The following EPB42 variants were observed in gnomAD, a reference collection of about 807,000 sequenced individuals.
The protein encoded by EPB42 is erythrocyte membrane protein band 4.2, also known as protein 4.2.
In EPB42, 49 loss-of-function variants were observed where a neutral mutation model predicts 76.9. The ratio of observed to expected loss-of-function variants is 0.64; its 90% CI spans 0.51 to 0.81. The LOEUF (loss-of-function observed/expected upper bound fraction) is 0.81, where lower values mean the gene tolerates loss of function less well. Among genes scored for constraint, EPB42 ranks in the 30% least tolerant of loss-of-function variants. EPB42 has a pLI of 0.00. For missense variants in EPB42, 731 were observed against 867.6 expected (o/e 0.84, Z 1.98); for synonymous variants, 310 against 338.4 (o/e 0.92, Z 0.92).
chr15:43,203,226 T>G lies in EPB42; in HGVS notation c.1668A>C (p.Pro556=). ...TGAGTCTAAGGAAGGTGTTCTCGGG[T>G]GGGTTTCGCTCAAAATTGGAGAAGA... The part of the protein sequence containing the change: ...GLFFSNFERN[P]PENTFLRLTA... Residue 556 remains proline, a synonymous_variant, in exon 11 of 13, where the codon CCA becomes CCC. Coordinates refer to ENST00000441366, the MANE Select transcript of EPB42 (RefSeq NM_001114134.2). 6.2e-7 allele frequency: 1 copy of G among 1,613,988 alleles called. No individual in the cohort carries two copies. The highest frequency in any genetic ancestry group is 1.6e-4 in the Middle Eastern group (1 of 6,062).
upstream of EPB42, among the ~76,000 whole-genome samples, chr15:43,225,229 C>T (rs1379416211): frequency 6.6e-6 from 1 of 152,226 alleles, no homozygotes; most frequent in East Asian, 1.9e-4. Context: ...TAGATAGAGA[C>T]ATCAGTGCCT....
intron 10 of EPB42, among the ~76,000 whole-genome samples, chr15:43,203,655 T>C (rs2042160271): frequency 6.6e-6 from 1 of 152,132 alleles, no homozygotes; most frequent in African/African-American, 2.4e-5. Context: ...ACAGAAGAAA[T>C]ATCTACTCCT....
chr15:43,221,593 C>G (rs1211965381), upstream of EPB42, among the ~76,000 whole-genome samples: 1 of 151,994 alleles, frequency 6.6e-6, no homozygotes, highest in Non-Finnish European at 1.5e-5. Context: ...ATATTTGGCC[C>G]TACCTGGGCT....
At chr15:43,214,021 T>C (rs1035187816) in intron 3 of EPB42, among the ~76,000 whole-genome samples, 1 of 152,206 alleles carries the variant, frequency 6.6e-6, no homozygotes, top group African/African-American at 2.4e-5. Context: ...TTCCCAGCCC[T>C]GCCTTGCCAC....
chr15:43,200,428 AAAACCAACAAGGGAC>A (rs2042108150), intron 12 of EPB42, among the ~76,000 whole-genome samples: 3 of 152,206 alleles, frequency 2.0e-5, no homozygotes, highest in Admixed American at 2.0e-4. Context: ...TGCAACGTCT[AAAACCAACAAGGGAC>A]TAATACCTGG....
intron 10 of EPB42, among the ~76,000 whole-genome samples, chr15:43,205,514 C>T (rs997016987): frequency 6.6e-6 from 1 of 152,168 alleles, no homozygotes; most frequent in Non-Finnish European, 1.5e-5. Context: ...ATTCTCCTGC[C>T]TCAGTCTCCC....
intron 3 of EPB42, among the ~76,000 whole-genome samples, chr15:43,213,137 T>C (rs2042326019): frequency 6.6e-6 from 1 of 152,134 alleles, no homozygotes; most frequent in Non-Finnish European, 1.5e-5. Flanking sequence ...ATTTTTTATT[T>C]TTTTGGAAAT....
At chr15:43,218,880 G>A (rs1047798362) in intron 1 of EPB42, among the ~76,000 whole-genome samples, 4 of 152,268 alleles carry the variant, frequency 2.6e-5, no homozygotes, top group South Asian at 2.1e-4. Flanking sequence ...TGATACCTTC[G>A]TGTTTTCTCA....
chr15:43,204,181 C>T (rs1053866326), intron 10 of EPB42, among the ~76,000 whole-genome samples: 6 of 152,308 alleles, frequency 3.9e-5, no homozygotes, highest in African/African-American at 7.2e-5. Context: ...ATTGGCTTAA[C>T]GCCCAGGAAG....
chr15:43,201,376 G>A (rs776523789), intron 12 of EPB42, among the ~76,000 whole-genome samples: 47 of 152,308 alleles, frequency 3.1e-4, no homozygotes, highest in South Asian at 1.0e-3. Context: ...GAAAGCAACA[G>A]TACACATTTT....
At chr15:43,200,852 T>C (rs2042114506) in intron 12 of EPB42, among the ~76,000 whole-genome samples, 1 of 151,882 alleles carries the variant, frequency 6.6e-6, no homozygotes, top group Non-Finnish European at 1.5e-5. Flanking sequence ...TCTCGCTCTT[T>C]CACCCGGGCT....
rs3832982 is a variant in EPB42, at chr15:43,220,649, AC to A, written c.10+166del. ...ACCTCTACCAGCACCCACCTACCAC[AC>A]CCCCCCCCCACAGCCACCTCATTAT... On this transcript the variant is annotated intron_variant, in intron 1 of 12. Coordinates refer to ENST00000441366, the MANE Select transcript of EPB42 (RefSeq NM_001114134.2). 84,720 of 343,294 alleles carry A rather than the reference AC, an allele frequency of 0.25. 4,736 individuals are homozygous for A. Among genetic ancestry groups the A allele is most frequent in the African/African-American group, 0.47 (15,383 of 32,748 alleles). The allele number at this position is 343,294 out of a possible 1,614,324, so 21.3% of individuals were successfully genotyped here. A position where few individuals can be genotyped will look rare whatever the true frequency, so the allele number is the denominator to read the frequency against.
chr15:43,220,574 C>T, intron 1 of EPB42: 1 of 772,630 alleles, frequency 1.3e-6, no homozygotes, highest in Non-Finnish European at 2.2e-6. Flanking sequence ...TCCGCCTCCG[C>T]CTCCACCAGC....
rs3832982 is a variant in EPB42, at chr15:43,220,649, A to ACCC, written c.10+164_10+166dup. On this transcript the variant is annotated intron_variant, in intron 1 of 12. Transcript: ENST00000441366. ...ACCTCTACCAGCACCCACCTACCAC[A>ACCC]CCCCCCCCCCACAGCCACCTCATTA... 23 of 389,178 alleles carry ACCC rather than the reference A, an allele frequency of 5.9e-5. 1 individual carries two copies. Among genetic ancestry groups the ACCC allele is most frequent in the South Asian group, 8.7e-5 (5 of 57,644 alleles). 24.1% of individuals were successfully genotyped at this position (389,178 alleles called of 1,614,324 possible).
chr15:43,206,315 G>C lies in EPB42; in HGVS notation c.1618+15C>G. 1 of 1,599,448 alleles carries C rather than the reference G, an allele frequency of 6.3e-7. No individual in the cohort carries two copies. Among genetic ancestry groups the C allele is most frequent in the Non-Finnish European group, 8.5e-7 (1 of 1,169,730 alleles). ...TGTGTGTCGGGGGGTGTCTGGTGGG[G>C]CCATAGAGCATTACCCAGGTTGGCA... is the stretch of plus-strand genomic sequence containing the variant. On this transcript the variant is annotated intron_variant, in intron 10 of 12. Coordinates refer to ENST00000441366, the MANE Select transcript of EPB42 (RefSeq NM_001114134.2). The surrounding 1 kb of genome is among the most constrained non-coding windows in gnomAD (Gnocchi z 4.7).
intron 1 of EPB42, among the ~76,000 whole-genome samples, chr15:43,219,042 CTG>C (rs1405855469): frequency 2.0e-5 from 3 of 152,188 alleles, no homozygotes; most frequent in Non-Finnish European, 2.9e-5. Context: ...TCAAGCAGTT[CTG>C]TGTTTAACGA....
chr15:43,211,512 A>G lies in EPB42; in HGVS notation c.453T>C (p.Asn151=), dbSNP rs114136713. ...ACAAGTACTCCATGCGCTGAGCCTC[A>G]TTCTTCAGGAACACAGCATCCTCTG... is the stretch of plus-strand genomic sequence containing the variant. ...WNREDAVFLK[N]EAQRMEYLLN... The change falls in exon 4 of 13, where the codon AAT becomes AAC. Residue 151 remains asparagine (N), a synonymous_variant. Transcript: ENST00000441366. 1,404 of 1,612,348 alleles carry G rather than the reference A, an allele frequency of 8.7e-4. 6 individuals are homozygous for G. Among genetic ancestry groups the G allele is most frequent in the African/African-American group, 5.0e-3 (378 of 74,996 alleles).
Position 43,201,471 on chromosome 15 carries a change from G to A in EPB42, c.1913+373C>T, listed in dbSNP as rs180976935. ...ATTAAACAAAATTGTATATTGTGGTGGTGACTACCAGAATGTAGCCCTCTG... is the reference window on the plus strand; with the variant it reads ...ATTAAACAAAATTGTATATTGTGGTAGTGACTACCAGAATGTAGCCCTCTG... On this transcript the variant is annotated intron_variant, in intron 12 of 12. Transcript: ENST00000441366. Among the ~76,000 whole-genome samples, 63 of 152,332 alleles carry A rather than the reference G, an allele frequency of 4.1e-4. No homozygotes were observed. In the East Asian group the frequency reaches 0.012, roughly 28 times the overall value.
chr15:43,208,177 G>A (rs1353213659), intron 8 of EPB42, 53 bp downstream of exon 8: 1 of 1,528,754 alleles, frequency 6.5e-7, no homozygotes, highest in Non-Finnish European at 9.0e-7. Context: ...CCTCTCTGGG[G>A]ACTTCAGCTC....
Sources: allele counts gnomAD v4.1 joint callset (sites outside exome capture counted in the v4.1 genomes callset), GRCh38; gene constraint gnomAD v4.1.1; non-coding constraint Gnocchi (gnomAD v3.1); transcripts MANE v1.5; gene names NCBI Gene and HGNC (gene_info 2026-07-23, HGNC 2026-07-21).